THAP6: variants seen among roughly 807,000 people sequenced by gnomAD.
THAP6 encodes the protein THAP domain-containing protein 6.
In THAP6, 13 loss-of-function variants were observed where a neutral mutation model predicts 20.0. The observed-to-expected ratio is 0.65, with a 90% confidence interval of 0.42 to 1.03. THAP6 has a LOEUF of 1.03. THAP6 is among the 50% of genes least tolerant of loss of function. THAP6 has a pLI of 0.00. For missense variants in THAP6, 262 were observed against 261.6 expected (o/e 1.00, Z -0.01); for synonymous variants, 93 against 92.2 (o/e 1.01, Z -0.05).
intron 3 of THAP6, chr4:75,542,568 AT>A (rs1727034227): frequency 3.2e-6 from 2 of 625,960 alleles, no homozygotes; most frequent in South Asian, 3.6e-5. Context: ...TACTATTATT[AT>A]TATTCTCATT....
chr4:75,514,226 C>T (rs1332145614), upstream of THAP6: 2 of 1,613,292 alleles, frequency 1.2e-6, no homozygotes, highest in Admixed American at 1.7e-5. Context: ...TCATAGTGCT[C>T]GCAGCCCCGC....
downstream of THAP6, among the ~76,000 whole-genome samples, chr4:75,532,863 C>G (rs186129109): frequency 6.6e-6 from 1 of 152,158 alleles, no homozygotes. Context: ...GCACACAACA[C>G]GGGGACCCTG....
Position 75,518,623 on chromosome 4 carries a change from A to G in THAP6, c.288+1644A>G, listed in dbSNP as rs189954577. Among the ~76,000 whole-genome samples the G allele has an allele frequency of 2.9e-3, 434 of 152,146 alleles. 2 individuals are homozygous for G. The highest frequency in any genetic ancestry group is 4.9e-3 in the Non-Finnish European group (336 of 68,024). The stretch of plus-strand genomic sequence containing the variant: ...ATGCCCTTCCCAGGGTCACACCTCT[A>G]TTAAATGGCAGAGGCTAGATTTGAT... On this transcript the variant is annotated intron_variant, in intron 3 of 4. Coordinates refer to ENST00000311638, the MANE Select transcript of THAP6 (RefSeq NM_144721.6).
chr4:75,542,570 T>C lies in THAP6; in HGVS notation c.243+84T>C, dbSNP rs546625345. The stretch of plus-strand genomic sequence containing the variant: ...CCTATAAGGTAGGTACTATTATTAT[T>C]ATTCTCATTTTACAGAAGAGGAAAT... On this transcript the variant is annotated intron_variant, in intron 3 of 4. Coordinates refer to the THAP6 transcript ENST00000502620. The C allele has an allele frequency of 4.8e-6, 3 of 625,290 alleles. No homozygotes were observed. In the East Asian group the frequency reaches 8.2e-5, roughly 17 times the overall value. 38.7% of individuals were successfully genotyped at this position (625,290 alleles called of 1,614,324 possible).
At chr4:75,543,701 CCTCAGAAGAA>C (rs1227099171) in intron 3 of THAP6, among the ~76,000 whole-genome samples, 1 of 152,186 alleles carries the variant, frequency 6.6e-6, no homozygotes, top group Non-Finnish European at 1.5e-5. Flanking sequence ...AGGGTTAAGT[CCTCAGAAGAA>C]CTGGATAGGT....
chr4:75,516,279 C>A (rs1725624017), intron 2 of THAP6, among the ~76,000 whole-genome samples: 2 of 152,330 alleles, frequency 1.3e-5, no homozygotes, highest in South Asian at 4.1e-4. Context: ...GAACTCCACA[C>A]TGCAGCTATT....
chr4:75,537,928 G>T (rs1726908074), intron 2 of THAP6, among the ~76,000 whole-genome samples: 1 of 152,216 alleles, frequency 6.6e-6, no homozygotes, highest in Non-Finnish European at 1.5e-5. Flanking sequence ...TCCCATTTTA[G>T]ATTTTGGACC....
chr4:75,530,937 T>C (rs931315648), downstream of THAP6, among the ~76,000 whole-genome samples: 1 of 152,156 alleles, frequency 6.6e-6, no homozygotes, highest in African/African-American at 2.4e-5. Flanking sequence ...CCACCATTCA[T>C]GTCTATCTTG....
intron 3 of THAP6, 64 bp downstream of exon 3, chr4:75,517,043 G>C (rs979836486): frequency 3.1e-5 from 35 of 1,133,400 alleles, no homozygotes; most frequent in Admixed American, 1.3e-4. Flanking sequence ...TTTTGAGATA[G>C]AGTCTCGCTC....
In THAP6 at chr4:75,516,931, G is replaced by A; in HGVS notation, c.240G>A (p.Leu80=). ...DFDRSAPNIK[L]KPGVIPSIFD... is the part of the protein sequence containing the mutation. Reference sequence around the variant, plus strand: ...ACAGAAGTGCTCCAAATATTAAACTGAAACCTGGAGTCATACCTTCTATCT... The same window carrying A: ...ACAGAAGTGCTCCAAATATTAAACTAAAACCTGGAGTCATACCTTCTATCT... Residue 80 remains leucine, a synonymous_variant, in exon 3 of 5, where the codon CTG becomes CTA. Transcript: ENST00000311638. 5 of 1,612,964 alleles carry A rather than the reference G, an allele frequency of 3.1e-6. No individual in the cohort carries two copies. The highest frequency in any genetic ancestry group is 3.4e-6 in the Non-Finnish European group (4 of 1,179,732).
chr4:75,541,735 C>T (rs1727010601), intron 2 of THAP6, among the ~76,000 whole-genome samples: 1 of 152,162 alleles, frequency 6.6e-6, no homozygotes, highest in Admixed American at 6.5e-5. Flanking sequence ...GCAGGTGGAT[C>T]ACTTGAGGTC....
At chr4:75,524,155 C>T (rs1726219784) in intron 4 of THAP6, among the ~76,000 whole-genome samples, 1 of 152,146 alleles carries the variant, frequency 6.6e-6, no homozygotes, top group Non-Finnish European at 1.5e-5. Flanking sequence ...GCATCTTTAA[C>T]TTATCACAGG....
upstream of THAP6, chr4:75,514,256 T>G: frequency 1.2e-6 from 2 of 1,612,896 alleles, no homozygotes; most frequent in Non-Finnish European, 1.7e-6. Context: ...TCTTGACCGC[T>G]GGCGCCATCT....
rs1302217446 is a variant in THAP6, at chr4:75,529,003, A to G, written c.*1789A>G. On this transcript the variant is annotated 3_prime_UTR_variant, in exon 5 of 5. Transcript: ENST00000311638. ...GGGAGGCGGAGATTGCAGTGAGCCA[A>G]GATCACGCCGTTGCACTCCAGCCTG... The G allele has an allele frequency of 1.6e-6, 1 of 617,742 alleles. No individual in the cohort carries two copies. Among genetic ancestry groups the G allele is most frequent in the South Asian group, 7.2e-5 (1 of 13,978 alleles). 38.3% of individuals were successfully genotyped at this position (617,742 alleles called of 1,614,324 possible).
chr4:75,535,059 C>A (rs1191059609), intron 2 of THAP6, among the ~76,000 whole-genome samples: 4 of 152,148 alleles, frequency 2.6e-5, no homozygotes, highest in Non-Finnish European at 2.9e-5. Flanking sequence ...TGGGTATATA[C>A]CCAAAGGATT....
intron 2 of THAP6, among the ~76,000 whole-genome samples, chr4:75,539,045 G>A (rs922184544): frequency 2.6e-5 from 4 of 152,162 alleles, no homozygotes; most frequent in African/African-American, 9.7e-5. Flanking sequence ...GCTAGGCATT[G>A]GAGAAACAAC....
Position 75,529,877 on chromosome 4 carries a change from C to A in THAP6, c.*2663C>A. 1.0e-6 allele frequency: 1 copy of A among 978,524 alleles called. No individual in the cohort carries two copies. Among genetic ancestry groups the A allele is most frequent in the Non-Finnish European group, 1.2e-6 (1 of 823,754 alleles). The allele number at this position is 978,524 out of a possible 1,614,324, so 60.6% of individuals were successfully genotyped here. A position where few individuals can be genotyped will look rare whatever the true frequency, so the allele number is the denominator to read the frequency against. On this transcript the variant is annotated 3_prime_UTR_variant, in exon 5 of 5. Transcript: ENST00000311638. ...AGACTTTGGTTGCTAATGACAATTA[C>A]AGTTATACCATAGTCTGTAATTTGA...
chr4:75,519,349 T>C (rs1725864244), intron 3 of THAP6, among the ~76,000 whole-genome samples: 1 of 152,056 alleles, frequency 6.6e-6, no homozygotes, highest in African/African-American at 2.4e-5. Context: ...TAATTATGCT[T>C]TAAGTTTTAG....
intron 1 of THAP6, 30 bp downstream of exon 1, chr4:75,514,550 C>T: frequency 2.7e-6 from 1 of 370,220 alleles, no homozygotes; most frequent in Non-Finnish European, 4.9e-6. Context: ...CTGTTTTCCC[C>T]CAATCGCTAC....
Sources: gnomAD v4.1 joint callset for allele counts (sites outside exome capture counted in the v4.1 genomes callset) on GRCh38, gnomAD v4.1.1 for gene constraint, MANE v1.5 for transcripts, NCBI Gene and HGNC (gene_info 2026-07-23, HGNC 2026-07-21) for gene names.